The following NCKAP5 variants were observed in gnomAD, a reference collection of about 807,000 sequenced individuals.
The protein encoded by NCKAP5 is NCK associated protein 5, also known as nck-associated protein 5.
In NCKAP5, 92 loss-of-function variants were observed where a neutral mutation model predicts 167.0. The ratio of observed to expected loss-of-function variants is 0.55; its 90% confidence interval spans 0.47 to 0.66. The LOEUF (loss-of-function observed/expected upper bound fraction) is 0.66, where lower values mean the gene tolerates loss of function less well. NCKAP5 is among the 30% of genes least tolerant of loss of function. The probability of loss-of-function intolerance (pLI) is 0.00; values close to 1 mark genes in which losing one functional copy is unlikely to be tolerated. For missense variants in NCKAP5, 2,378 were observed against 2,315.0 expected, an observed-to-expected ratio of 1.03 and a Z score of -0.56; for synonymous variants, 891 against 877.4, an observed-to-expected ratio of 1.02 and a Z score of -0.27.
intron 3 of NCKAP5, among the ~76,000 whole-genome samples, chr2:133,386,130 T>C (rs538199616): frequency 6.6e-6 from 1 of 152,226 alleles, no homozygotes; most frequent in African/African-American, 2.4e-5. Context: ...GTTATTTTAA[T>C]TGCAATGTTA....
intron 6 of NCKAP5, among the ~76,000 whole-genome samples, chr2:133,017,330 A>G (rs1187703914): frequency 6.6e-6 from 1 of 152,206 alleles, no homozygotes; most frequent in Non-Finnish European, 1.5e-5. Flanking sequence ...GGGTATGCAG[A>G]TTTCATTACA....
At chr2:133,026,200 T>TG (rs1264735083) in intron 6 of NCKAP5, among the ~76,000 whole-genome samples, 2 of 151,980 alleles carry the variant, frequency 1.3e-5, no homozygotes, top group African/African-American at 4.8e-5. Context: ...TTGTGGTTTT[T>TG]TTCTTCTAAA....
intron 3 of NCKAP5, among the ~76,000 whole-genome samples, chr2:133,511,301 G>A (rs960818098): frequency 6.6e-6 from 1 of 152,166 alleles, no homozygotes; most frequent in Non-Finnish European, 1.5e-5. Flanking sequence ...GCACCTGTGG[G>A]TGGTGCCCTC....
At chr2:132,790,334 C>T in intron 12 of NCKAP5, 129 bp from the exon 13 acceptor site, 2 of 790,738 alleles carry the variant, frequency 2.5e-6, no homozygotes, top group Non-Finnish European at 3.9e-6. Context: ...TCCTGATAAA[C>T]CCATGGTAAC....
chr2:133,340,661 A>G (rs1009514409), intron 3 of NCKAP5, among the ~76,000 whole-genome samples: 2 of 152,232 alleles, frequency 1.3e-5, no homozygotes, highest in Non-Finnish European at 2.9e-5. Context: ...TGAATGCCCT[A>G]TAACAATAAT....
intron 8 of NCKAP5, among the ~76,000 whole-genome samples, chr2:132,950,529 C>T (rs1210511548): frequency 1.3e-5 from 2 of 152,092 alleles, no homozygotes; most frequent in Non-Finnish European, 2.9e-5. Flanking sequence ...GATGTGCATT[C>T]AAGAATTTAC....
At chr2:133,227,960 G>A (rs1401261402) in intron 4 of NCKAP5, among the ~76,000 whole-genome samples, 1 of 152,208 alleles carries the variant, frequency 6.6e-6, no homozygotes, top group Non-Finnish European at 1.5e-5. Context: ...GGTCTCTGCA[G>A]CAAGAATTTA....
At chr2:133,249,998 T>TTTTTTATTA (rs143273928) in intron 4 of NCKAP5, among the ~76,000 whole-genome samples, 34 of 138,220 alleles carry the variant, frequency 2.5e-4, no homozygotes, top group Admixed American at 4.4e-4. Flanking sequence ...CACCAAGGGT[T>TTTTTTATTA]TTATTATTAT....
chr2:133,663,126 C>T, the NCKAP5 span, among the ~76,000 whole-genome samples: 3 of 152,112 alleles, frequency 2.0e-5, no homozygotes, highest in East Asian at 1.9e-4. Flanking sequence ...ATTAGCTGGG[C>T]GCGGTGGCGG....
chr2:132,978,749 G>C (rs2077048505), intron 7 of NCKAP5, among the ~76,000 whole-genome samples: 1 of 152,184 alleles, frequency 6.6e-6, no homozygotes, highest in Non-Finnish European at 1.5e-5. Flanking sequence ...ATAAATGTGA[G>C]ATTATCCAAC....
At chr2:133,574,603 C>CTTT in the NCKAP5 span, among the ~76,000 whole-genome samples, 3 of 127,224 alleles carry the variant, frequency 2.4e-5, no homozygotes, top group Admixed American at 1.6e-4. Context: ...TTCTTCTTTC[C>CTTT]TTTTTTTTTT....
At chr2:132,855,153 T>A (rs1689367411) in intron 11 of NCKAP5, among the ~76,000 whole-genome samples, 1 of 152,182 alleles carries the variant, frequency 6.6e-6, no homozygotes, top group Non-Finnish European at 1.5e-5. Context: ...AGGAACTGTG[T>A]GATTTTTCAA....
intron 2 of NCKAP5, among the ~76,000 whole-genome samples, chr2:133,520,344 A>G (rs1684370496): frequency 6.6e-6 from 1 of 152,220 alleles, no homozygotes; most frequent in Non-Finnish European, 1.5e-5. Context: ...CTTATGCTAA[A>G]CACAAAGGTT....
intron 7 of NCKAP5, among the ~76,000 whole-genome samples, chr2:132,971,736 T>C (rs2076841182): frequency 6.6e-6 from 1 of 152,186 alleles, no homozygotes. Flanking sequence ...AAGCAACATT[T>C]CCTTATTTCA....
intron 3 of NCKAP5, among the ~76,000 whole-genome samples, chr2:133,492,144 A>AGTGTGTGTGTGTGTGT (rs371797170): frequency 0.027 from 3,829 of 141,614 alleles, 214 homozygotes; most frequent in African/African-American, 0.097. Flanking sequence ...ATATCTAGTT[A>AGTGTGTGTGTGTGTGT]GTGTGTGTGT....
At chr2:133,261,291 C>A (rs1018234459) in intron 4 of NCKAP5, among the ~76,000 whole-genome samples, 1 of 152,142 alleles carries the variant, frequency 6.6e-6, no homozygotes, top group African/African-American at 2.4e-5. Context: ...CAGCAAAAAC[C>A]ACCCAAGGTA....
At chr2:133,577,997 G>T in the NCKAP5 span, among the ~76,000 whole-genome samples, 3 of 152,204 alleles carry the variant, frequency 2.0e-5, no homozygotes, top group Non-Finnish European at 2.9e-5. Context: ...TTCCATCTGG[G>T]CAAAGCAAAA....
At chr2:133,020,168 G>A (rs189460368) in intron 6 of NCKAP5, among the ~76,000 whole-genome samples, 30 of 152,338 alleles carry the variant, frequency 2.0e-4, no homozygotes, top group Non-Finnish European at 3.4e-4. Flanking sequence ...CACCAAAGAC[G>A]ACATCATGGG....
Position 133,029,496 on chromosome 2 carries a change from G to A in NCKAP5, c.342-35257C>T, listed in dbSNP as rs539429104. 2.6e-5 allele frequency among the ~76,000 whole-genome samples: 4 copies of A among 152,228 alleles called. No individual in the cohort carries two copies. The East Asian group carries it at 5.8e-4, about 22-fold the overall frequency. ...GAGGTTCATTTAAGGAAGAAAAAGG[G>A]GTTGCTAGATAACACCATTGTGGAT... is the stretch of plus-strand genomic sequence containing the variant. On this transcript the variant is annotated intron_variant, in intron 6 of 19. Coordinates refer to ENST00000409261, the MANE Select transcript of NCKAP5 (RefSeq NM_207363.3).
Sources: allele counts gnomAD v4.1 joint callset (sites outside exome capture counted in the v4.1 genomes callset), GRCh38; gene constraint gnomAD v4.1.1; transcripts MANE v1.5; gene names NCBI Gene and HGNC (gene_info 2026-07-23, HGNC 2026-07-21).